Variants in TRPC5 observed in about 807,000 individuals in gnomAD.
The protein encoded by TRPC5 is short transient receptor potential channel 5.
In TRPC5, 9 loss-of-function variants were observed where a neutral mutation model predicts 56.5. That is an observed-to-expected ratio of 0.16 (90% CI 0.10 to 0.28). The LOEUF (loss-of-function observed/expected upper bound fraction) is 0.28. TRPC5 is among the 10% of genes least tolerant of loss of function. The pLI, the probability that TRPC5 is intolerant of heterozygous loss-of-function variation, is 1.00. For missense variants in TRPC5, 469 were observed against 748.9 expected (o/e 0.63, Z 4.36); for synonymous variants, 282 against 278.5 (o/e 1.01, Z -0.13).
At chrX:111,909,207 G>A (rs1416592148) in intron 3 of TRPC5, among the ~76,000 whole-genome samples, 1 of 105,764 alleles carries the variant, frequency 9.5e-6, no homozygotes, top group African/African-American at 3.5e-5. Flanking sequence ...GTGCACGCCT[G>A]TAGTCCCAAC....
At chrX:111,892,697 T>C (rs894514575) in intron 3 of TRPC5, among the ~76,000 whole-genome samples, 1 of 111,902 alleles carries the variant, frequency 8.9e-6, no homozygotes, top group African/African-American at 3.3e-5. Flanking sequence ...ACAGTCCTGT[T>C]CCCTCACATT....
In TRPC5 at chrX:111,775,461, GTA is replaced by G. The variant is rs1204925474; in HGVS notation, c.*850_*851del. ...TATGACAACTATTTATCTTGCCAAT[GTA>G]TGAGATGTAGTGACTATTGGTTAGA... On this transcript the variant is annotated 3_prime_UTR_variant, in exon 11 of 11. Coordinates refer to ENST00000262839, the MANE Select transcript of TRPC5 (RefSeq NM_012471.3). 8.9e-6 allele frequency: 1 copy of G among 112,106 alleles called. No individual in the cohort carries two copies. Among genetic ancestry groups the G allele is most frequent in the Non-Finnish European group, 1.9e-5 (1 of 53,255 alleles). The allele number at this position is 112,106 out of a possible 1,213,427, so 9.2% of individuals were successfully genotyped here. A position where few individuals can be genotyped will look rare whatever the true frequency, so the allele number is the denominator to read the frequency against.
At chrX:111,780,937 AGTT>A (rs762443834) in intron 9 of TRPC5, among the ~76,000 whole-genome samples, 70 of 111,560 alleles carry the variant, frequency 6.3e-4, no homozygotes, top group Admixed American at 2.0e-3. Context: ...TCTAAGTCAT[AGTT>A]GTTGCTGATC....
chrX:112,058,436 C>A (rs1369674817), intron 1 of TRPC5, among the ~76,000 whole-genome samples: 1 of 112,188 alleles, frequency 8.9e-6, no homozygotes, highest in Non-Finnish European at 1.9e-5. Flanking sequence ...CTGGTGTGAG[C>A]AGATAAGCTG....
At chrX:111,999,030 C>A (rs891608363) in intron 1 of TRPC5, among the ~76,000 whole-genome samples, 6 of 111,487 alleles carry the variant, frequency 5.4e-5, no homozygotes, top group African/African-American at 2.0e-4. Context: ...CACCTATCAA[C>A]CCACCATCTA....
intron 1 of TRPC5, among the ~76,000 whole-genome samples, chrX:112,034,713 A>C (rs1929683608): frequency 9.0e-6 from 1 of 110,519 alleles, no homozygotes; most frequent in Admixed American, 9.7e-5. Flanking sequence ...GTGTGTTTCC[A>C]GTAATTTTTC....
At chrX:111,806,524 C>G (rs1412659916) in intron 7 of TRPC5, among the ~76,000 whole-genome samples, 1 of 112,011 alleles carries the variant, frequency 8.9e-6, no homozygotes, top group Non-Finnish European at 1.9e-5. Context: ...GGGCAACTCA[C>G]AGCATGGTAG....
intron 2 of TRPC5, among the ~76,000 whole-genome samples, chrX:111,950,632 C>T (rs188466672): frequency 1.8e-5 from 2 of 111,969 alleles, no homozygotes; most frequent in Admixed American, 1.9e-4. Context: ...TGTAACCAAA[C>T]ACTACCTGCT....
intron 1 of TRPC5, among the ~76,000 whole-genome samples, chrX:111,968,980 T>C (rs1319027457): frequency 1.6e-5 from 1 of 61,563 alleles, no homozygotes; most frequent in Non-Finnish European, 2.8e-5. Flanking sequence ...TATAATAAAA[T>C]AAAATAAAAT....
chrX:111,799,569 G>A (rs575945932), intron 7 of TRPC5, among the ~76,000 whole-genome samples: 6 of 111,037 alleles, frequency 5.4e-5, no homozygotes, highest in Admixed American at 1.9e-4. Context: ...AGAAAACCTC[G>A]ATAAAAAGAA....
At chrX:112,002,359 G>T (rs916797681) in intron 1 of TRPC5, among the ~76,000 whole-genome samples, 2 of 111,276 alleles carry the variant, frequency 1.8e-5, no homozygotes, top group African/African-American at 6.6e-5. Context: ...TCACTGTGTT[G>T]CCCAGGCTGG....
intron 3 of TRPC5, among the ~76,000 whole-genome samples, chrX:111,874,451 T>C (rs137896905): frequency 8.9e-6 from 1 of 111,784 alleles, no homozygotes; most frequent in African/African-American, 3.3e-5. Context: ...GTAGCTTGAT[T>C]TTAAAGAGAG....
At chrX:111,959,862 G>A (rs1927328985) in intron 1 of TRPC5, among the ~76,000 whole-genome samples, 1 of 111,371 alleles carries the variant, frequency 9.0e-6, no homozygotes, top group Non-Finnish European at 1.9e-5. Flanking sequence ...CCAGGATGAT[G>A]TATCATATTA....
intron 1 of TRPC5, among the ~76,000 whole-genome samples, chrX:111,993,781 C>A (rs1460354864): frequency 8.9e-6 from 1 of 111,849 alleles, no homozygotes; most frequent in Non-Finnish European, 1.9e-5. Context: ...TGTTTGAGTT[C>A]TTTGTAGATT....
At chrX:111,995,539 G>A (rs1413047322) in intron 1 of TRPC5, among the ~76,000 whole-genome samples, 1 of 111,298 alleles carries the variant, frequency 9.0e-6, no homozygotes, top group Non-Finnish European at 1.9e-5. Context: ...AGAAGGAATG[G>A]TACCAGCTCC....
At chrX:112,013,295 C>G (rs1005248283) in intron 1 of TRPC5, among the ~76,000 whole-genome samples, 1 of 111,466 alleles carries the variant, frequency 9.0e-6, no homozygotes, top group Non-Finnish European at 1.9e-5. Flanking sequence ...GGACTATAGG[C>G]GTGCGCCACC....
intron 1 of TRPC5, among the ~76,000 whole-genome samples, chrX:111,986,980 C>T (rs756044134): frequency 9.0e-6 from 1 of 111,624 alleles, no homozygotes; most frequent in African/African-American, 3.3e-5. Context: ...TTTTCTTTCT[C>T]TATTGTATCT....
intron 7 of TRPC5, among the ~76,000 whole-genome samples, chrX:111,824,426 ATAG>A (rs751731963): frequency 2.5e-3 from 268 of 107,023 alleles, no homozygotes; most frequent in African/African-American, 9.5e-3. Flanking sequence ...GTAGTTATTA[ATAG>A]TAGTTATAAT....
chrX:111,970,855 C>T (rs866637300), intron 1 of TRPC5, among the ~76,000 whole-genome samples: 4 of 106,504 alleles, frequency 3.8e-5, no homozygotes, highest in South Asian at 4.3e-4. Context: ...CTGCAAGCTC[C>T]GCCTCCTGGG....
Sources: allele counts gnomAD v4.1 joint callset (sites outside exome capture counted in the v4.1 genomes callset), GRCh38; gene constraint gnomAD v4.1.1; transcripts MANE v1.5; gene names NCBI Gene and HGNC (gene_info 2026-07-23, HGNC 2026-07-21).